The following BCL9 variants were observed in gnomAD, a reference collection of about 807,000 sequenced individuals.
The protein encoded by BCL9 is BCL9 transcription coactivator.
In BCL9, 25 loss-of-function variants were observed where a neutral mutation model predicts 88.5. That is an observed-to-expected ratio of 0.28 (90% CI 0.21 to 0.39). BCL9 has a LOEUF of 0.39. BCL9 is among the 10% of genes least tolerant of loss of function. BCL9 has a pLI of 1.00. For synonymous variants in BCL9, 711 were observed against 673.3 expected (o/e 1.06, Z -0.87); for missense variants, 1,817 against 1,877.8 (o/e 0.97, Z 0.60).
At position 147,619,122 on chromosome 1, in the gene BCL9, A is replaced by G; in HGVS notation, c.967A>G (p.Ser323Gly). The G allele has an allele frequency of 6.2e-7, 1 of 1,613,814 alleles. No homozygotes were observed. Among genetic ancestry groups the G allele is most frequent in the South Asian group, 1.1e-5 (1 of 91,012 alleles). The change falls in exon 8 of 10, where the codon AGC becomes GGC. Residue 323 changes from serine (S) to glycine (G), a missense_variant. By Grantham distance (56) the Ser-to-Gly change is moderately conservative. Transcript: ENST00000234739. This position sits in a 1 kb window ranked among gnomAD's most constrained non-coding sequence, Gnocchi z 4.1. ...GACCCCTGTCTCCCAGGGGAGCAAT[A>G]GCTCTTCAGCAGATCCCAAAGCCCC... Reference protein sequence around the residue: ...AVTPVSQGSNSSSADPKAPPP... With the variant: ...AVTPVSQGSNGSSADPKAPPP...
At chr1:147,573,276 C>A (rs992537397) in intron 1 of BCL9, among the ~76,000 whole-genome samples, 1 of 152,158 alleles carries the variant, frequency 6.6e-6, no homozygotes, top group South Asian at 2.1e-4. Context: ...CATGGTGAAA[C>A]CCCATCTCCA....
chr1:147,569,304 C>T (rs1557829437), intron 1 of BCL9, among the ~76,000 whole-genome samples: 1 of 151,604 alleles, frequency 6.6e-6, no homozygotes, highest in East Asian at 1.9e-4. Context: ...GAGCAAGGGG[C>T]CAGAAGAGGA....
intron 2 of BCL9, among the ~76,000 whole-genome samples, chr1:147,605,522 A>C (rs1350786893): frequency 2.0e-5 from 3 of 152,196 alleles, no homozygotes; most frequent in African/African-American, 7.2e-5. Flanking sequence ...TTTTGTCAAA[A>C]ATCTTTAGCT....
intron 1 of BCL9, among the ~76,000 whole-genome samples, chr1:147,582,865 C>A (rs2101553314): frequency 6.6e-6 from 1 of 152,292 alleles, no homozygotes; most frequent in South Asian, 2.1e-4. Context: ...CTGATCCCTG[C>A]TTTAGTATGT....
At chr1:147,559,108 T>C (rs1553195748) in intron 1 of BCL9, among the ~76,000 whole-genome samples, 1 of 141,508 alleles carries the variant, frequency 7.1e-6, no homozygotes, top group Admixed American at 7.5e-5. Context: ...ATTTTGAAGG[T>C]TTTTTCTTTC....
intron 1 of BCL9, among the ~76,000 whole-genome samples, chr1:147,591,157 T>G (rs1656827261): frequency 6.6e-6 from 1 of 152,146 alleles, no homozygotes; most frequent in Admixed American, 6.5e-5. Flanking sequence ...TAATTATAAA[T>G]CACATTCAGG....
intron 5 of BCL9, 52 bp from the exon 6 acceptor site, chr1:147,614,375 C>T (rs587620626): frequency 6.4e-7 from 1 of 1,572,514 alleles, no homozygotes; most frequent in Admixed American, 1.7e-5. Flanking sequence ...TATATGCTGG[C>T]AGAAGAAAGG....
In BCL9 at chr1:147,619,490, G is replaced by A. The variant is rs782396440; in HGVS notation, c.1335G>A (p.Met445Ile). Residue 445 changes from methionine to isoleucine, a missense_variant, in exon 8 of 10, where the codon ATG becomes ATA. Transcript: ENST00000234739. The surrounding 1 kb of genome is among the most constrained non-coding windows in gnomAD (Gnocchi z 4.1). ...HRDVPFSPDE[M>I]VPPSMNSQSG... is the part of the protein sequence containing the mutation. Reference sequence around the variant, plus strand: ...ATGTACCCTTTTCTCCAGATGAAATGGTTCCACCTTCTATGAACTCCCAGT... The same window carrying A: ...ATGTACCCTTTTCTCCAGATGAAATAGTTCCACCTTCTATGAACTCCCAGT... 1.9e-6 allele frequency: 3 copies of A among 1,614,068 alleles called. No homozygotes were observed. The South Asian group carries it at 3.3e-5, about 18-fold the overall frequency.
chr1:147,569,914 A>G (rs1314131005), intron 1 of BCL9, among the ~76,000 whole-genome samples: 1 of 152,210 alleles, frequency 6.6e-6, no homozygotes, highest in African/African-American at 2.4e-5. Flanking sequence ...TGAATATTAA[A>G]GAGGCCATTT....
rs782278075 is a variant in BCL9 at position 147,624,771 on chromosome 1, C to G, written c.4093C>G (p.Pro1365Ala). 3.1e-6 allele frequency: 5 copies of G among 1,612,822 alleles called. No homozygotes were observed. The highest frequency in any genetic ancestry group is 4.2e-6 in the Non-Finnish European group (5 of 1,179,522). The stretch of plus-strand genomic sequence containing the variant: ...CATGATTCCTGGCAAGGATCGGGGG[C>G]CTGCCGGGCTCTACACCCACCCTGG... ...VGMIPGKDRG[P>A]AGLYTHPGPV... Residue 1365 changes from proline (P) to alanine (A), a missense_variant, in exon 10 of 10, where the codon CCT becomes GCT. Physicochemically the swap from Pro to Ala is conservative, Grantham distance 27. Around this residue, in one of 2 missense-constraint regions of BCL9, gnomAD observed 589 missense variants for 686.2 expected, o/e 0.86. Coordinates refer to ENST00000234739, the MANE Select transcript of BCL9 (RefSeq NM_004326.4). This position sits in a 1 kb window ranked among gnomAD's most constrained non-coding sequence, Gnocchi z 4.4.
chr1:147,590,436 C>G (rs1049891172), intron 1 of BCL9, among the ~76,000 whole-genome samples: 1 of 152,262 alleles, frequency 6.6e-6, no homozygotes, highest in East Asian at 1.9e-4. Context: ...GAATTTCTGC[C>G]GTTTTCTGGC....
chr1:147,569,732 T>G (rs1341680210), intron 1 of BCL9, among the ~76,000 whole-genome samples: 11 of 152,272 alleles, frequency 7.2e-5, no homozygotes, highest in Admixed American at 6.5e-4. Flanking sequence ...ACAGAGATAT[T>G]AACTAGCAGA....
chr1:147,571,229 G>A (rs80085447), intron 1 of BCL9, among the ~76,000 whole-genome samples: 4,841 of 152,152 alleles, frequency 0.032, 113 homozygotes, highest in Non-Finnish European at 0.042. Flanking sequence ...TCTGAGGTGG[G>A]TAGGATTGTT....
intron 3 of BCL9, among the ~76,000 whole-genome samples, chr1:147,611,123 G>T (rs906031475): frequency 6.6e-6 from 1 of 152,104 alleles, no homozygotes. Flanking sequence ...TTTGAAATTG[G>T]GGGGGTTGTT....
intron 1 of BCL9, among the ~76,000 whole-genome samples, chr1:147,562,469 T>C (rs1553196227): frequency 6.6e-6 from 1 of 152,190 alleles, no homozygotes. Flanking sequence ...ACCTTTATTT[T>C]TCAGAGACAT....
intron 1 of BCL9, among the ~76,000 whole-genome samples, chr1:147,570,933 C>A (rs1416269320): frequency 6.6e-6 from 1 of 151,768 alleles, no homozygotes; most frequent in Non-Finnish European, 1.5e-5. Context: ...CTGTGCCCAG[C>A]CCATTGACTG....
chr1:147,569,182 G>A (rs1318240305), intron 1 of BCL9, among the ~76,000 whole-genome samples: 1 of 151,664 alleles, frequency 6.6e-6, no homozygotes, highest in Non-Finnish European at 1.5e-5. Flanking sequence ...AGGGCAGCGA[G>A]GAAGAGGGAA....
chr1:147,621,111 C>G, intron 8 of BCL9, 54 bp downstream of exon 8: 1 of 1,494,158 alleles, frequency 6.7e-7, no homozygotes, highest in Non-Finnish European at 9.0e-7. Flanking sequence ...ACTGCTAGAC[C>G]TGATAGTTAC....
In BCL9 at chr1:147,605,572, G is replaced by T. The variant is rs139603146; in HGVS notation, c.-343+661G>T. Among the ~76,000 whole-genome samples, 29 of 152,312 alleles carry T rather than the reference G, an allele frequency of 1.9e-4. No individual in the cohort carries two copies. In the Middle Eastern group the frequency reaches 0.01, roughly 54 times the overall value. ...ATTTGCTTAAAGTTAGCTATTAAAA[G>T]GTGACAGAGGTATTTTTACCCCATG... is the stretch of plus-strand genomic sequence containing the variant. On this transcript the variant is annotated intron_variant, in intron 2 of 9. Coordinates refer to ENST00000234739, the MANE Select transcript of BCL9 (RefSeq NM_004326.4).
Sources: allele counts gnomAD v4.1 joint callset (sites outside exome capture counted in the v4.1 genomes callset), GRCh38; gene constraint gnomAD v4.1.1; regional missense constraint gnomAD v4.1.1; non-coding constraint Gnocchi (gnomAD v3.1); transcripts MANE v1.5; gene names NCBI Gene and HGNC (gene_info 2026-07-23, HGNC 2026-07-21).